CDON: variants seen among roughly 807,000 people sequenced by gnomAD.
The protein encoded by CDON is cell adhesion molecule-related/down-regulated by oncogenes.
CDON carries 73 observed loss-of-function variants against 120.9 expected under a neutral mutation model. The ratio of observed to expected loss-of-function variants is 0.60; its 90% CI spans 0.50 to 0.73. CDON has a LOEUF of 0.73. Among genes scored for constraint, CDON ranks in the 30% least tolerant of loss-of-function variants. The pLI is 0.00. For missense variants in CDON, 1,470 were observed against 1,587.3 expected, an observed-to-expected ratio of 0.93 and a Z score of 1.26; for synonymous variants, 566 against 573.5, an observed-to-expected ratio of 0.99 and a Z score of 0.19.
intron 1 of CDON, among the ~76,000 whole-genome samples, chr11:126,044,973 A>G (rs376660483): frequency 1.2e-4 from 19 of 152,236 alleles, no homozygotes; most frequent in East Asian, 5.8e-4. Flanking sequence ...TCGTCAAAAC[A>G]TTACATGTAC....
chr11:125,986,765 CA>C (rs34891949), intron 15 of CDON, among the ~76,000 whole-genome samples: 282 of 138,662 alleles, frequency 2.0e-3, no homozygotes, highest in East Asian at 7.1e-3. Context: ...GACTCCATCT[CA>C]AAAAAAAAAA....
At chr11:125,973,150 C>T (rs1946053732) in intron 18 of CDON, among the ~76,000 whole-genome samples, 1 of 150,014 alleles carries the variant, frequency 6.7e-6, no homozygotes, top group Admixed American at 6.7e-5. Flanking sequence ...CTCATCTGGA[C>T]TACTGCAACT....
At chr11:125,997,842 T>C (rs1230215492) in intron 11 of CDON, among the ~76,000 whole-genome samples, 1 of 152,188 alleles carries the variant, frequency 6.6e-6, no homozygotes, top group Non-Finnish European at 1.5e-5. Context: ...ATCTACTAAT[T>C]CTTATACTAT....
intron 14 of CDON, among the ~76,000 whole-genome samples, chr11:125,993,065 C>A (rs1045221761): frequency 3.8e-4 from 58 of 152,280 alleles, no homozygotes; most frequent in African/African-American, 1.3e-3. Context: ...TTCTTTCTTA[C>A]GCTGCTTTCT....
intron 1 of CDON, among the ~76,000 whole-genome samples, chr11:126,048,354 T>C (rs1402510807): frequency 6.6e-6 from 1 of 152,006 alleles, no homozygotes; most frequent in Non-Finnish European, 1.5e-5. Context: ...ATTTACAGTG[T>C]TGCCAAGAAC....
At chr11:126,015,207 A>G (rs1170938325) in intron 7 of CDON, 34 bp downstream of exon 7, 1 of 1,606,366 alleles carries the variant, frequency 6.2e-7, no homozygotes, top group African/African-American at 1.3e-5. Context: ...TGTAAAATAA[A>G]AGTTCTTATG....
At chr11:126,051,655 T>TC (rs943238597) in intron 1 of CDON, among the ~76,000 whole-genome samples, 1 of 142,168 alleles carries the variant, frequency 7.0e-6, no homozygotes, top group Non-Finnish European at 1.5e-5. Context: ...TTTTTTTCTT[T>TC]TTTTTTTTTT....
chr11:126,047,586 T>C (rs1343996496), intron 1 of CDON, among the ~76,000 whole-genome samples: 1 of 152,216 alleles, frequency 6.6e-6, no homozygotes, highest in Non-Finnish European at 1.5e-5. Flanking sequence ...ATGCAGTAAG[T>C]ACCTAGCAAG....
chr11:125,960,870 C>T lies in CDON; in HGVS notation c.*72G>A. 2 of 1,373,890 alleles carry T rather than the reference C, an allele frequency of 1.5e-6. No homozygotes were observed. The highest frequency in any genetic ancestry group is 1.4e-5 in the African/African-American group (1 of 70,178). 85.1% of individuals were successfully genotyped at this position (1,373,890 alleles called of 1,614,324 possible). ...CTGATTTGAATTAAGGTCCTTCACA[C>T]AGTTCGCTCCCAGGCCTGTTGTGTG... On this transcript the variant is annotated 3_prime_UTR_variant, in exon 20 of 20. Transcript: ENST00000531738.
chr11:125,997,482 A>G (rs569318054), intron 11 of CDON, 72 bp from the exon 12 acceptor site: 1 of 1,154,142 alleles, frequency 8.7e-7, no homozygotes, highest in Admixed American at 2.0e-5. Flanking sequence ...AATTAAAGGG[A>G]TAAGTCCCAA....
chr11:126,009,228 C>T (rs551782080), intron 8 of CDON, among the ~76,000 whole-genome samples: 1 of 152,360 alleles, frequency 6.6e-6, no homozygotes, highest in South Asian at 2.1e-4. Flanking sequence ...TCTCCTCCGC[C>T]TCCAGCTTCA....
At chr11:125,976,875 G>A (rs547556867) in intron 18 of CDON, among the ~76,000 whole-genome samples, 2 of 152,038 alleles carry the variant, frequency 1.3e-5, no homozygotes, top group African/African-American at 4.8e-5. Context: ...CGTTACTTTC[G>A]CAAGATCACA....
In CDON at chr11:126,021,699, G is replaced by A. The variant is rs117272411; in HGVS notation, c.77-179C>T. Among the ~76,000 whole-genome samples, 11,295 of 152,228 alleles carry A rather than the reference G, an allele frequency of 0.074. 529 individuals are homozygous for A. Among genetic ancestry groups the A allele is most frequent in the Non-Finnish European group, 0.11 (7,334 of 68,008 alleles). Reference sequence around the variant, plus strand: ...TAGCAAAATTCTTATAAGCCTATTTGTTGGAAGTAAAAAAGAGCAACATGT... The same window carrying A: ...TAGCAAAATTCTTATAAGCCTATTTATTGGAAGTAAAAAAGAGCAACATGT... On this transcript the variant is annotated intron_variant, in intron 2 of 19. Transcript: ENST00000531738.
At chr11:125,990,721 C>T (rs1410705779) in intron 14 of CDON, among the ~76,000 whole-genome samples, 1 of 152,168 alleles carries the variant, frequency 6.6e-6, no homozygotes, top group African/African-American at 2.4e-5. Context: ...GGACCAATAT[C>T]GCCAGACTCC....
intron 8 of CDON, among the ~76,000 whole-genome samples, chr11:126,008,772 A>T (rs1947204170): frequency 6.6e-6 from 1 of 152,218 alleles, no homozygotes; most frequent in African/African-American, 2.4e-5. Context: ...ACACACGCAC[A>T]TTCATTTATA....
Position 126,034,219 on chromosome 11 carries a change from C to T in CDON, c.-61-10682G>A, listed in dbSNP as rs1591411601. On this transcript the variant is annotated intron_variant, in intron 1 of 19. Coordinates refer to ENST00000531738, the MANE Select transcript of CDON (RefSeq NM_001378964.1). The surrounding 1 kb of genome is among the most constrained non-coding windows in gnomAD (Gnocchi z 4.5). ...CGAGTCAGCCAAGCATACAAACGAT[C>T]CTGCTGCCTGCGAAAGCATTTCCTT... 6.6e-6 allele frequency among the ~76,000 whole-genome samples: 1 copy of T among 152,268 alleles called. No individual in the cohort carries two copies. The highest frequency in any genetic ancestry group is 1.9e-4 in the East Asian group (1 of 5,178).
chr11:126,041,112 C>T (rs1347849090), intron 1 of CDON, among the ~76,000 whole-genome samples: 1 of 150,196 alleles, frequency 6.7e-6, no homozygotes, highest in Non-Finnish European at 1.5e-5. Flanking sequence ...TCACTTGAAC[C>T]TGGGAGGCAG....
At chr11:126,052,930 G>C (rs1182990061) in intron 1 of CDON, among the ~76,000 whole-genome samples, 1 of 152,082 alleles carries the variant, frequency 6.6e-6, no homozygotes, top group African/African-American at 2.4e-5. Context: ...ATTTAAACAG[G>C]AAGATCTGCA....
intron 1 of CDON, among the ~76,000 whole-genome samples, chr11:126,052,176 A>G (rs2134921617): frequency 1.3e-5 from 2 of 152,360 alleles, no homozygotes; most frequent in African/African-American, 4.8e-5. Context: ...ACCTACATAC[A>G]GTCAAAACAT....
Sources: gnomAD v4.1 joint callset for allele counts (sites outside exome capture counted in the v4.1 genomes callset) on GRCh38, gnomAD v4.1.1 for gene constraint, Gnocchi (gnomAD v3.1) non-coding constraint, MANE v1.5 for transcripts, NCBI Gene and HGNC (gene_info 2026-07-23, HGNC 2026-07-21) for gene names.